KCNIP1: variants seen among roughly 807,000 people sequenced by gnomAD.
KCNIP1 encodes the protein A-type potassium channel modulatory protein KCNIP1.
Under a neutral mutation model 33.0 loss-of-function variants are expected in KCNIP1, and 18 were observed. The observed-to-expected ratio is 0.55, with a 90% CI of 0.38 to 0.81. KCNIP1 has a LOEUF of 0.81. Among genes scored for constraint, KCNIP1 ranks in the 30% least tolerant of loss-of-function variants. The probability of loss-of-function intolerance (pLI) is 0.00; values close to 1 mark genes in which losing one functional copy is unlikely to be tolerated. For missense variants in KCNIP1, 238 were observed against 271.6 expected, an observed-to-expected ratio of 0.88 and a Z score of 0.87; for synonymous variants, 93 against 98.3, an observed-to-expected ratio of 0.95 and a Z score of 0.32.
intron 5 of KCNIP1, among the ~76,000 whole-genome samples, chr5:170,731,872 C>CAAAA (rs1157286321): frequency 3.6e-4 from 6 of 16,792 alleles, no homozygotes; most frequent in South Asian, 1.9e-3. Context: ...GACTCCGTCT[C>CAAAA]AAAAAAAAAA....
upstream of KCNIP1, among the ~76,000 whole-genome samples, chr5:170,502,986 T>G (rs543618163): frequency 6.8e-4 from 103 of 152,244 alleles, no homozygotes; most frequent in Non-Finnish European, 1.4e-3. Flanking sequence ...TTCCTAAATC[T>G]AATCATTGCC....
At chr5:170,721,259 C>T (rs182890925) in intron 3 of KCNIP1, among the ~76,000 whole-genome samples, 2 of 152,184 alleles carry the variant, frequency 1.3e-5, no homozygotes, top group Admixed American at 1.3e-4. Flanking sequence ...CCCATGCAGG[C>T]CCCAGAATTG....
At chr5:170,362,852 A>T (rs1763550340) in intron 1 of KCNIP1, among the ~76,000 whole-genome samples, 1 of 152,214 alleles carries the variant, frequency 6.6e-6, no homozygotes, top group South Asian at 2.1e-4. Context: ...GGCCGAGCCC[A>T]GGCTTACTGC....
chr5:170,410,160 T>TC (rs1265404429), intron 1 of KCNIP1, among the ~76,000 whole-genome samples: 3 of 152,098 alleles, frequency 2.0e-5, no homozygotes, highest in African/African-American at 7.2e-5. Context: ...GCCTCCTGAG[T>TC]CCCCCACTCA....
At chr5:170,358,532 G>A (rs1037468209) in intron 1 of KCNIP1, among the ~76,000 whole-genome samples, 29 of 152,310 alleles carry the variant, frequency 1.9e-4, no homozygotes, top group African/African-American at 6.3e-4. Context: ...CCAGCTGTGT[G>A]AAGTTGTGTC....
At position 170,735,974 on chromosome 5, in the gene KCNIP1, G is replaced by A. The variant is rs1764374697; in HGVS notation, c.*168G>A. The A allele has an allele frequency of 6.7e-6, 4 of 595,954 alleles. No homozygotes were observed. The Admixed American group carries it at 1.1e-4, about 17-fold the overall frequency. The allele number at this position is 595,954 out of a possible 1,614,324, so 36.9% of individuals were successfully genotyped here. A position where few individuals can be genotyped will look rare whatever the true frequency, so the allele number is the denominator to read the frequency against. On this transcript the variant is annotated 3_prime_UTR_variant, in exon 8 of 8. Transcript: ENST00000328939. ...GACTTTCTATGGAACCCAGCATCAT[G>A]TGGCTCAGTCTCTGATTGCCAACTC...
chr5:170,353,797 G>T (rs904674926), exon 1 of KCNIP1: 1 of 1,316,942 alleles, frequency 7.6e-7, no homozygotes, highest in Non-Finnish European at 1.1e-6. Context: ...ACCCAGGCAG[G>T]CTCCAAGTTC....
At chr5:170,641,749 G>A (rs1280829836) in intron 1 of KCNIP1, among the ~76,000 whole-genome samples, 3 of 152,182 alleles carry the variant, frequency 2.0e-5, no homozygotes, top group Non-Finnish European at 4.4e-5. Flanking sequence ...CTCCAAGGGA[G>A]GCATCTCCCC....
At chr5:170,628,903 G>GA (rs1286797381) in intron 1 of KCNIP1, among the ~76,000 whole-genome samples, 1 of 152,196 alleles carries the variant, frequency 6.6e-6, no homozygotes, top group East Asian at 1.9e-4. Context: ...GGGTCAGACA[G>GA]AAAATCTCCT....
At chr5:170,538,603 T>G (rs1756082640) in intron 1 of KCNIP1, among the ~76,000 whole-genome samples, 1 of 151,806 alleles carries the variant, frequency 6.6e-6, no homozygotes, top group Non-Finnish European at 1.5e-5. Flanking sequence ...TCAGTCCTTA[T>G]TCCAGACTCC....
chr5:170,423,618 C>T (rs1305802593), intron 1 of KCNIP1, among the ~76,000 whole-genome samples: 1 of 152,178 alleles, frequency 6.6e-6, no homozygotes, highest in Non-Finnish European at 1.5e-5. Flanking sequence ...AAAAGCCAGC[C>T]TCGAGGATCC....
At chr5:170,501,035 G>A (rs926290031), upstream of KCNIP1, among the ~76,000 whole-genome samples, 20 of 152,180 alleles carry the variant, frequency 1.3e-4, no homozygotes, top group Admixed American at 6.5e-4. Context: ...GTCAGAAACC[G>A]GAGGTTAAGC....
At chr5:170,505,197 C>A (rs989255669) in intron 1 of KCNIP1, among the ~76,000 whole-genome samples, 4 of 152,144 alleles carry the variant, frequency 2.6e-5, no homozygotes, top group Admixed American at 6.5e-5. Context: ...GAGGAGCAAC[C>A]GTGAAGGGCT....
At chr5:170,727,811 C>T (rs1191059288) in intron 5 of KCNIP1, among the ~76,000 whole-genome samples, 2 of 151,998 alleles carry the variant, frequency 1.3e-5, no homozygotes, top group African/African-American at 2.4e-5. Context: ...TGTAGTGGCA[C>T]GTGCCTGTGC....
intron 1 of KCNIP1, among the ~76,000 whole-genome samples, chr5:170,552,120 T>C (rs1756670990): frequency 6.8e-6 from 1 of 148,030 alleles, no homozygotes; most frequent in African/African-American, 2.5e-5. Flanking sequence ...TTACCCAGTC[T>C]TCATGAAGTT....
At chr5:170,378,880 A>G in intron 1 of KCNIP1, 1 of 1,614,250 alleles carries the variant, frequency 6.2e-7, no homozygotes, top group Non-Finnish European at 8.5e-7. Context: ...GAGAAGCAGT[A>G]GAAGACCTGC....
chr5:170,515,939 G>A (rs970002610), intron 1 of KCNIP1, among the ~76,000 whole-genome samples: 2 of 152,222 alleles, frequency 1.3e-5, no homozygotes, highest in East Asian at 3.9e-4. Flanking sequence ...ATGTAGGTTA[G>A]TGAAGTTCTA....
rs542873989 is a variant in KCNIP1, at chr5:170,377,170, C to G, written c.88+23206C>G. The G allele has an allele frequency of 5.2e-5, 8 of 152,406 alleles. No homozygotes were observed. The East Asian group carries it at 1.5e-3, about 29-fold the overall frequency. 9.4% of individuals were successfully genotyped at this position (152,406 alleles called of 1,614,324 possible). On this transcript the variant is annotated intron_variant, in intron 1 of 7. Coordinates refer to the KCNIP1 transcript ENST00000377360. ...ATGGTCACTCACCTGCTCTGAAAAT[C>G]CTCGCGACAGGACGCTCACTTCCTA...
intron 1 of KCNIP1, among the ~76,000 whole-genome samples, chr5:170,599,007 G>A (rs1001631222): frequency 1.3e-5 from 2 of 151,494 alleles, no homozygotes; most frequent in African/African-American, 2.4e-5. Flanking sequence ...TGAGGCCCCG[G>A]CCCATAAGTA....
Sources: allele counts gnomAD v4.1 joint callset (sites outside exome capture counted in the v4.1 genomes callset), GRCh38; gene constraint gnomAD v4.1.1; transcripts MANE v1.5; gene names NCBI Gene and HGNC (gene_info 2026-07-23, HGNC 2026-07-21).